The following PPP1R16B variants were observed in gnomAD, a reference collection of about 807,000 sequenced individuals.
PPP1R16B encodes the protein protein phosphatase 1 regulatory inhibitor subunit 16B.
In PPP1R16B, 14 loss-of-function variants were observed where a neutral mutation model predicts 61.7. The ratio of observed to expected loss-of-function variants is 0.23; its 90% CI spans 0.15 to 0.35. The LOEUF (loss-of-function observed/expected upper bound fraction) is 0.35. Ranked by LOEUF, PPP1R16B falls within the 10% of genes least tolerant of loss-of-function variation. The probability of loss-of-function intolerance (pLI) is 1.00; values close to 1 mark genes in which losing one functional copy is unlikely to be tolerated. For missense variants in PPP1R16B, 547 were observed against 752.5 expected (o/e 0.73, Z 3.19); for synonymous variants, 266 against 305.3 (o/e 0.87, Z 1.34).
chr20:38,910,908 T>C (rs915887218), intron 10 of PPP1R16B, among the ~76,000 whole-genome samples: 1 of 151,666 alleles, frequency 6.6e-6, no homozygotes, highest in Admixed American at 6.6e-5. Flanking sequence ...GGCAGGAAAA[T>C]CACTTGAACC....
At chr20:38,917,221 G>C (rs1393577526) in intron 10 of PPP1R16B, among the ~76,000 whole-genome samples, 2 of 151,694 alleles carry the variant, frequency 1.3e-5, no homozygotes, top group South Asian at 4.2e-4. Flanking sequence ...GCTTGAACCC[G>C]GGAGGCAGAG....
intron 3 of PPP1R16B, among the ~76,000 whole-genome samples, chr20:38,890,981 C>T (rs147578324): frequency 6.6e-6 from 1 of 152,304 alleles, no homozygotes; most frequent in Non-Finnish European, 1.5e-5. Flanking sequence ...TGCCTCAGTA[C>T]CCCCACTCCA....
In PPP1R16B at chr20:38,922,022, T is replaced by C. The variant is rs1367953422; in HGVS notation, c.*3356T>C. 6.6e-6 allele frequency: 1 copy of C among 152,230 alleles called. No homozygotes were observed. Among genetic ancestry groups the C allele is most frequent in the Non-Finnish European group, 1.5e-5 (1 of 68,050 alleles). 9.4% of individuals were successfully genotyped at this position (152,230 alleles called of 1,614,324 possible). A position where few individuals can be genotyped will look rare whatever the true frequency, so the allele number is the denominator to read the frequency against. On this transcript the variant is annotated 3_prime_UTR_variant, in exon 11 of 11. Coordinates refer to ENST00000299824, the MANE Select transcript of PPP1R16B (RefSeq NM_015568.4). ...GACCACTTCCAAAGCAGGTGCTGCATGGCTCACCATCATATGCCCCAAACA... is the reference window on the plus strand; with the variant it reads ...GACCACTTCCAAAGCAGGTGCTGCACGGCTCACCATCATATGCCCCAAACA...
rs962254178 is a variant in PPP1R16B, at chr20:38,865,312, C to T, written c.251-24283C>T. Among the ~76,000 whole-genome samples, 21 of 143,882 alleles carry T rather than the reference C, an allele frequency of 1.5e-4. No homozygotes were observed. In the East Asian group the frequency reaches 3.7e-3, roughly 25 times the overall value. The allele number at this position is 143,882 out of a possible 152,430, so 94.4% of individuals were successfully genotyped here. A position where few individuals can be genotyped will look rare whatever the true frequency, so the allele number is the denominator to read the frequency against. The stretch of plus-strand genomic sequence containing the variant: ...TTTTTTTTCTTTTTTTTTTTTGAGA[C>T]GGAGTCTCACTCTGTCGCCCAGGCT... On this transcript the variant is annotated intron_variant, in intron 2 of 10. Coordinates refer to ENST00000299824, the MANE Select transcript of PPP1R16B (RefSeq NM_015568.4).
intron 1 of PPP1R16B, among the ~76,000 whole-genome samples, chr20:38,822,807 CAG>C (rs1288013223): frequency 6.6e-6 from 1 of 152,102 alleles, no homozygotes; most frequent in African/African-American, 2.4e-5. Flanking sequence ...AAGTATGAAA[CAG>C]AGTGTTCAGG....
At chr20:38,885,681 G>A (rs1438029283) in intron 2 of PPP1R16B, among the ~76,000 whole-genome samples, 1 of 152,228 alleles carries the variant, frequency 6.6e-6, no homozygotes, top group Non-Finnish European at 1.5e-5. Context: ...TTCTGCATAA[G>A]AGGAATAATT....
At position 38,821,835 on chromosome 20, in the gene PPP1R16B, T is replaced by C. The variant is rs2084775040; in HGVS notation, c.-101-13990T>C. Reference sequence around the variant, plus strand: ...TATTATTTCCAACACCTGGGTCACCTTGAGATTGGTCTCCATTGATTGCCT... The same window carrying C: ...TATTATTTCCAACACCTGGGTCACCCTGAGATTGGTCTCCATTGATTGCCT... On this transcript the variant is annotated intron_variant, in intron 1 of 10. Transcript: ENST00000299824. Among the ~76,000 whole-genome samples, 3 of 152,034 alleles carry C rather than the reference T, an allele frequency of 2.0e-5. No homozygotes were observed. In the South Asian group the frequency reaches 6.2e-4, roughly 31 times the overall value.
At chr20:38,888,745 T>C (rs2085265794) in intron 2 of PPP1R16B, among the ~76,000 whole-genome samples, 1 of 151,934 alleles carries the variant, frequency 6.6e-6, no homozygotes, top group Admixed American at 6.6e-5. Context: ...GAATTGGGGC[T>C]TGAATGGTGG....
intron 2 of PPP1R16B, among the ~76,000 whole-genome samples, chr20:38,853,529 G>A (rs534214258): frequency 1.0e-3 from 157 of 152,170 alleles, no homozygotes; most frequent in Non-Finnish European, 1.9e-3. Flanking sequence ...TTTGGCTTAA[G>A]GACCCCAAAT....
At chr20:38,852,747 C>CTTTTTTTTT (rs1185726609) in intron 2 of PPP1R16B, among the ~76,000 whole-genome samples, 2 of 31,498 alleles carry the variant, frequency 6.3e-5, no homozygotes, top group Admixed American at 6.3e-4. Flanking sequence ...CCACTGTTTC[C>CTTTTTTTTT]TTTTTTTTTT....
chr20:38,858,546 G>A lies in PPP1R16B; in HGVS notation c.250+22371G>A, dbSNP rs145799061. 3.3e-3 allele frequency among the ~76,000 whole-genome samples: 505 copies of A among 152,256 alleles called. 8 individuals carry two copies. The highest frequency in any genetic ancestry group is 0.012 in the African/African-American group (492 of 41,540). On this transcript the variant is annotated intron_variant, in intron 2 of 10. Coordinates refer to ENST00000299824, the MANE Select transcript of PPP1R16B (RefSeq NM_015568.4). ...TGGAAAGCAAAGGAAAGGAGGCAGA[G>A]GAAAGGACCAAACCTGATTTATTGG...
At chr20:38,917,643 G>A (rs2085553071) in intron 10 of PPP1R16B, among the ~76,000 whole-genome samples, 1 of 152,126 alleles carries the variant, frequency 6.6e-6, no homozygotes, top group East Asian at 1.9e-4. Flanking sequence ...GGAATTTATT[G>A]GCTTGTGCAA....
chr20:38,895,238 G>GT (rs903227941), intron 3 of PPP1R16B, among the ~76,000 whole-genome samples: 1 of 151,702 alleles, frequency 6.6e-6, no homozygotes, highest in Non-Finnish European at 1.5e-5. Flanking sequence ...TAAAAAATAC[G>GT]TTTTAAAACC....
intron 1 of PPP1R16B, among the ~76,000 whole-genome samples, chr20:38,828,324 G>A (rs1426697194): frequency 6.6e-6 from 1 of 152,156 alleles, no homozygotes; most frequent in Non-Finnish European, 1.5e-5. Flanking sequence ...ACCATTGTAA[G>A]GGGAAGAGGA....
chr20:38,865,635 G>A (rs772025161), intron 2 of PPP1R16B, among the ~76,000 whole-genome samples: 13 of 152,188 alleles, frequency 8.5e-5, no homozygotes, highest in Non-Finnish European at 1.8e-4. Flanking sequence ...TTCCACTCAC[G>A]TCCTGCACAG....
intron 1 of PPP1R16B, among the ~76,000 whole-genome samples, chr20:38,817,632 C>T (rs80324175): frequency 0.026 from 3,967 of 151,160 alleles, 92 homozygotes; most frequent in Admixed American, 0.072. Context: ...GTGCTGAGCA[C>T]GGTGCCTGGA....
At chr20:38,865,763 T>C (rs902903346) in intron 2 of PPP1R16B, among the ~76,000 whole-genome samples, 1 of 152,080 alleles carries the variant, frequency 6.6e-6, no homozygotes, top group Non-Finnish European at 1.5e-5. Flanking sequence ...CTGCTTCTGG[T>C]GTAATCCCAG....
At chr20:38,870,570 A>G (rs549200596) in intron 2 of PPP1R16B, among the ~76,000 whole-genome samples, 1 of 152,270 alleles carries the variant, frequency 6.6e-6, no homozygotes, top group South Asian at 2.1e-4. Context: ...TAGGCAGAAC[A>G]AAATAGCACA....
At chr20:38,838,136 T>TA (rs1017961315) in intron 2 of PPP1R16B, 23 of 152,292 alleles carry the variant, frequency 1.5e-4, no homozygotes, top group African/African-American at 5.5e-4. Context: ...ATCCATGATG[T>TA]AACCACAGCC....
Sources: gnomAD v4.1 joint callset for allele counts (sites outside exome capture counted in the v4.1 genomes callset) on GRCh38, gnomAD v4.1.1 for gene constraint, MANE v1.5 for transcripts, NCBI Gene and HGNC (gene_info 2026-07-23, HGNC 2026-07-21) for gene names.